SNTG1: variants seen among roughly 807,000 people sequenced by gnomAD.
The protein encoded by SNTG1 is syntrophin gamma 1.
SNTG1 carries 39 observed loss-of-function variants against 74.7 expected under a neutral mutation model. The ratio of observed to expected loss-of-function variants is 0.52; its 90% CI spans 0.40 to 0.68. The LOEUF is 0.68. Ranked by LOEUF, SNTG1 falls within the 30% of genes least tolerant of loss-of-function variation. The probability of loss-of-function intolerance (pLI) is 0.00; values close to 1 mark genes in which losing one functional copy is unlikely to be tolerated. For synonymous variants in SNTG1, 254 were observed against 217.1 expected (o/e 1.17, Z -1.49); for missense variants, 685 against 609.5 (o/e 1.12, Z -1.30).
rs967741933 is a variant in SNTG1 at position 50,228,453 on chromosome 8, C to T, written c.-28+55818C>T. On this transcript the variant is annotated intron_variant, in intron 2 of 18. Coordinates refer to ENST00000642720, the MANE Select transcript of SNTG1 (RefSeq NM_018967.5). Reference sequence around the variant, plus strand: ...TGAACAATCAATGCCAAACAAAATACTAAAATTACCTATCTATTCCTAGGA... The same window carrying T: ...TGAACAATCAATGCCAAACAAAATATTAAAATTACCTATCTATTCCTAGGA... 3.7e-4 allele frequency among the ~76,000 whole-genome samples: 56 copies of T among 151,748 alleles called. 1 individual carries two copies. Among genetic ancestry groups the T allele is most frequent in the Non-Finnish European group, 6.3e-4 (43 of 67,822 alleles).
chr8:50,495,645 A>G (rs1159799654), intron 8 of SNTG1, among the ~76,000 whole-genome samples: 2 of 152,162 alleles, frequency 1.3e-5, no homozygotes, highest in Non-Finnish European at 2.9e-5. Context: ...ATCCAACAGT[A>G]ACAGCTCTTG....
chr8:50,410,022 C>G (rs995137527), intron 4 of SNTG1, among the ~76,000 whole-genome samples: 3 of 152,192 alleles, frequency 2.0e-5, no homozygotes, highest in Non-Finnish European at 4.4e-5. Flanking sequence ...TGGAATAAAA[C>G]ACACAATTAG....
At chr8:50,443,491 C>T (rs2131591307) in intron 5 of SNTG1, among the ~76,000 whole-genome samples, 1 of 152,180 alleles carries the variant, frequency 6.6e-6, no homozygotes, top group African/African-American at 2.4e-5. Flanking sequence ...TCTTAATCAT[C>T]TTCTCATTTC....
chr8:50,189,968 G>A (rs2083508106), intron 2 of SNTG1, among the ~76,000 whole-genome samples: 1 of 152,060 alleles, frequency 6.6e-6, no homozygotes, highest in African/African-American at 2.4e-5. Context: ...ATTATTTTGT[G>A]AACAATGGGA....
chr8:50,429,330 A>G (rs1415423807), intron 4 of SNTG1, among the ~76,000 whole-genome samples: 1 of 152,170 alleles, frequency 6.6e-6, no homozygotes, highest in Non-Finnish European at 1.5e-5. Context: ...GTTCAGAAAT[A>G]AACAAATTCA....
At chr8:49,921,194 A>G (rs897258088) in intron 1 of SNTG1, among the ~76,000 whole-genome samples, 3 of 152,108 alleles carry the variant, frequency 2.0e-5, no homozygotes, top group Non-Finnish European at 4.4e-5. Flanking sequence ...AGACATAAAT[A>G]TCTTTCAAAA....
intron 18 of SNTG1, among the ~76,000 whole-genome samples, chr8:50,754,480 T>G (rs548919706): frequency 1.6e-4 from 24 of 151,888 alleles, no homozygotes; most frequent in Non-Finnish European, 3.4e-4. Flanking sequence ...TTATATGCCA[T>G]GTATGTTATA....
intron 1 of SNTG1, among the ~76,000 whole-genome samples, chr8:50,052,868 A>G (rs1819692739): frequency 6.6e-6 from 1 of 152,170 alleles, no homozygotes; most frequent in South Asian, 2.1e-4. Flanking sequence ...TTGAGCTATC[A>G]CTTTATGTCC....
chr8:50,608,452 G>C (rs1041864964), intron 13 of SNTG1, among the ~76,000 whole-genome samples: 1 of 151,530 alleles, frequency 6.6e-6, no homozygotes, highest in South Asian at 2.1e-4. Flanking sequence ...ATGAAATGTC[G>C]TTCTTTTTCT....
intron 2 of SNTG1, among the ~76,000 whole-genome samples, chr8:50,320,079 G>A (rs1266880917): frequency 1.3e-5 from 2 of 152,170 alleles, no homozygotes; most frequent in African/African-American, 4.8e-5. Flanking sequence ...AGTTTGAGTA[G>A]GATTGGTGTT....
At chr8:50,409,886 T>C (rs1188440459) in intron 4 of SNTG1, among the ~76,000 whole-genome samples, 1 of 152,216 alleles carries the variant, frequency 6.6e-6, no homozygotes, top group African/African-American at 2.4e-5. Flanking sequence ...CCATGAAGAA[T>C]CATGGAGCTT....
chr8:50,789,861 A>G (rs73677528), intron 18 of SNTG1, among the ~76,000 whole-genome samples: 2,038 of 152,148 alleles, frequency 0.013, 31 homozygotes, highest in African/African-American at 0.043. Flanking sequence ...ATAAAGGCTC[A>G]TGCAGCATGC....
chr8:50,005,808 G>T (rs555615371), intron 1 of SNTG1, among the ~76,000 whole-genome samples: 11 of 151,738 alleles, frequency 7.2e-5, no homozygotes, highest in South Asian at 4.2e-4. Flanking sequence ...TTTTTTTTCA[G>T]TATTTTTCTC....
chr8:50,581,036 A>C (rs923979323), intron 12 of SNTG1, among the ~76,000 whole-genome samples: 3 of 152,240 alleles, frequency 2.0e-5, no homozygotes, highest in African/African-American at 7.2e-5. Flanking sequence ...TAATTACTTA[A>C]GTAAAAAATG....
chr8:50,346,758 A>G (rs1587244328), intron 2 of SNTG1, among the ~76,000 whole-genome samples: 1 of 152,278 alleles, frequency 6.6e-6, no homozygotes, highest in African/African-American at 2.4e-5. Context: ...TGGAGAAAGC[A>G]TTAGTGATCT....
chr8:50,413,595 G>A (rs985740595), intron 4 of SNTG1, among the ~76,000 whole-genome samples: 14 of 152,208 alleles, frequency 9.2e-5, no homozygotes, highest in Admixed American at 5.2e-4. Context: ...TCACAAGACC[G>A]GAATATGAAA....
intron 2 of SNTG1, among the ~76,000 whole-genome samples, chr8:50,375,437 A>G (rs2092358301): frequency 6.6e-6 from 1 of 152,000 alleles, no homozygotes; most frequent in Admixed American, 6.6e-5. Context: ...ACAGTGATTC[A>G]GAAGGGCTAA....
intron 1 of SNTG1, among the ~76,000 whole-genome samples, chr8:50,031,085 A>C (rs1417618861): frequency 6.6e-6 from 1 of 151,924 alleles, no homozygotes; most frequent in Non-Finnish European, 1.5e-5. Context: ...TATTTTACTC[A>C]TTGTAATATT....
In SNTG1 at chr8:50,530,312, T is replaced by G. The variant is rs185825638; in HGVS notation, c.549+53T>G. 24 of 1,502,912 alleles carry G rather than the reference T, an allele frequency of 1.6e-5. No homozygotes were observed. The Admixed American group carries it at 3.9e-4, about 24-fold the overall frequency. 93.1% of individuals were successfully genotyped at this position (1,502,912 alleles called of 1,614,324 possible). The stretch of plus-strand genomic sequence containing the variant: ...TAATAAGGAGATAACACATAGCTTA[T>G]AAAAACTGCTAGTGAATCTGATTTA... On this transcript the variant is annotated intron_variant, in intron 10 of 18. Coordinates refer to ENST00000642720, the MANE Select transcript of SNTG1 (RefSeq NM_018967.5).
Sources: allele counts gnomAD v4.1 joint callset (sites outside exome capture counted in the v4.1 genomes callset), GRCh38; gene constraint gnomAD v4.1.1; transcripts MANE v1.5; gene names NCBI Gene and HGNC (gene_info 2026-07-23, HGNC 2026-07-21).